The following TUSC3 variants were observed in gnomAD, a reference collection of about 807,000 sequenced individuals.
TUSC3 encodes tumor suppressor candidate 3.
A neutral mutation model predicts 44.8 loss-of-function variants in TUSC3; 45 were observed. The observed-to-expected ratio is 1.00, with a 90% confidence interval of 0.79 to 1.29. The LOEUF (loss-of-function observed/expected upper bound fraction) is 1.29. Among genes scored for constraint, TUSC3 ranks in the 50% most tolerant of loss-of-function variants. TUSC3 has a pLI of 0.00. For synonymous variants in TUSC3, 212 were observed against 152.9 expected, an observed-to-expected ratio of 1.39 and a Z score of -2.85; for missense variants, 519 against 437.9, an observed-to-expected ratio of 1.19 and a Z score of -1.65.
chr8:15,566,814 G>A (rs1802695971), intron 1 of TUSC3, among the ~76,000 whole-genome samples: 1 of 152,066 alleles, frequency 6.6e-6, no homozygotes, highest in Non-Finnish European at 1.5e-5. Flanking sequence ...GTTTGTGTTT[G>A]TAGAGACAGG....
chr8:15,825,885 CTTTTTTTTTTT>C, the TUSC3 span, among the ~76,000 whole-genome samples: 1 of 120,390 alleles, frequency 8.3e-6, no homozygotes, highest in Non-Finnish European at 1.8e-5. Context: ...ACAGTTGTTT[CTTTTTTTTTTT>C]TTTTTTTTTT....
At chr8:15,524,990 A>G (rs1801354625) in intron 2 of TUSC3, among the ~76,000 whole-genome samples, 1 of 152,228 alleles carries the variant, frequency 6.6e-6, no homozygotes, top group South Asian at 2.1e-4. Context: ...ACGTTAGAAT[A>G]ATTTTAGAAC....
the TUSC3 span, among the ~76,000 whole-genome samples, chr8:15,774,233 T>G: frequency 7.8e-6 from 1 of 128,064 alleles, no homozygotes; most frequent in African/African-American, 2.7e-5. Context: ...GCGTCAAATT[T>G]TGTCTCCTCA....
chr8:15,734,465 T>C (rs1271263396), intron 7 of TUSC3, among the ~76,000 whole-genome samples: 11 of 152,212 alleles, frequency 7.2e-5, no homozygotes, highest in Non-Finnish European at 1.5e-4. Flanking sequence ...AGAAACATTA[T>C]ATTTTAATAT....
chr8:15,501,902 T>C (rs1198549561), intron 2 of TUSC3, among the ~76,000 whole-genome samples: 1 of 152,230 alleles, frequency 6.6e-6, no homozygotes, highest in African/African-American at 2.4e-5. Context: ...ATCCTACCTG[T>C]GTCCACCTTA....
intron 2 of TUSC3, among the ~76,000 whole-genome samples, chr8:15,509,587 G>T (rs898048923): frequency 6.6e-6 from 1 of 151,914 alleles, no homozygotes; most frequent in Non-Finnish European, 1.5e-5. Flanking sequence ...AAACCTGGGA[G>T]ACAGAGTGAG....
the TUSC3 span, among the ~76,000 whole-genome samples, chr8:15,811,411 A>G: frequency 1.3e-5 from 2 of 152,314 alleles, no homozygotes; most frequent in Admixed American, 6.5e-5. Flanking sequence ...AGACCCAGAC[A>G]GTTTCACAGA....
At chr8:15,476,868 T>A (rs974746560) in intron 1 of TUSC3, among the ~76,000 whole-genome samples, 2 of 152,342 alleles carry the variant, frequency 1.3e-5, no homozygotes, top group Admixed American at 1.3e-4. Flanking sequence ...TCACAACCAA[T>A]GACAGGCTGA....
At chr8:15,583,836 A>T (rs985054618) in intron 1 of TUSC3, among the ~76,000 whole-genome samples, 1 of 152,242 alleles carries the variant, frequency 6.6e-6, no homozygotes, top group Non-Finnish European at 1.5e-5. Flanking sequence ...AAAACCAGAA[A>T]AAAACCACAA....
chr8:15,777,399 G>A, the TUSC3 span, among the ~76,000 whole-genome samples: 2 of 152,114 alleles, frequency 1.3e-5, no homozygotes, highest in African/African-American at 4.8e-5. Context: ...TATAAAGGGA[G>A]ATTTATCATA....
chr8:15,554,943 A>T (rs1476319023), intron 1 of TUSC3, among the ~76,000 whole-genome samples: 1 of 151,330 alleles, frequency 6.6e-6, no homozygotes, highest in East Asian at 2.0e-4. Flanking sequence ...CTGTGGAAAT[A>T]GGTAAATTGA....
intron 2 of TUSC3, among the ~76,000 whole-genome samples, chr8:15,502,926 A>T (rs1032928317): frequency 6.6e-6 from 1 of 152,106 alleles, no homozygotes; most frequent in Admixed American, 6.6e-5. Flanking sequence ...TCTTTATTCT[A>T]TTTTTTATTT....
chr8:15,802,826 C>T, the TUSC3 span, among the ~76,000 whole-genome samples: 2 of 151,684 alleles, frequency 1.3e-5, no homozygotes, highest in Non-Finnish European at 2.9e-5. Context: ...GTACCCAGAA[C>T]GTGGCTAAAT....
At chr8:15,466,886 T>C (rs775214404) in intron 1 of TUSC3, among the ~76,000 whole-genome samples, 35 of 152,138 alleles carry the variant, frequency 2.3e-4, no homozygotes, top group Non-Finnish European at 4.6e-4. Flanking sequence ...CCATTGATAA[T>C]TGAATATTGT....
intron 1 of TUSC3, among the ~76,000 whole-genome samples, chr8:15,455,213 C>A (rs1412018842): frequency 6.6e-6 from 1 of 152,110 alleles, no homozygotes; most frequent in East Asian, 1.9e-4. Context: ...GGCATTTGTC[C>A]TCCTATTCCT....
intron 2 of TUSC3, among the ~76,000 whole-genome samples, chr8:15,634,719 A>G (rs951073778): frequency 6.6e-6 from 1 of 152,074 alleles, no homozygotes; most frequent in Non-Finnish European, 1.5e-5. Flanking sequence ...TAGGATCTGT[A>G]TTTTCATCTT....
At chr8:15,585,749 C>A (rs73540534) in intron 1 of TUSC3, among the ~76,000 whole-genome samples, 2 of 152,098 alleles carry the variant, frequency 1.3e-5, no homozygotes, top group African/African-American at 4.8e-5. Flanking sequence ...GTTCGACTGT[C>A]GGAATGTCTT....
chr8:15,705,954 C>T (rs13273264), intron 6 of TUSC3, among the ~76,000 whole-genome samples: 85,390 of 151,756 alleles, frequency 0.56, 24,495 homozygotes, highest in Non-Finnish European at 0.62. Flanking sequence ...TGTTTTCTTA[C>T]ATTTTAGAAG....
intron 6 of TUSC3, among the ~76,000 whole-genome samples, chr8:15,705,510 G>C (rs956104139): frequency 6.6e-6 from 1 of 151,910 alleles, no homozygotes; most frequent in African/African-American, 2.4e-5. Context: ...ATATTTTCTT[G>C]TATATAACCA....
Sources: allele counts gnomAD v4.1 joint callset (sites outside exome capture counted in the v4.1 genomes callset), GRCh38; gene constraint gnomAD v4.1.1; transcripts MANE v1.5; gene names NCBI Gene and HGNC (gene_info 2026-07-23, HGNC 2026-07-21).